Variants in CLSTN3 observed in about 807,000 individuals in gnomAD.
The protein encoded by CLSTN3 is calsyntenin 3, also known as calsyntenin-3.
In CLSTN3, 36 loss-of-function variants were observed where a neutral mutation model predicts 95.9. The observed-to-expected ratio is 0.38, with a 90% confidence interval of 0.29 to 0.50. The LOEUF (loss-of-function observed/expected upper bound fraction) is 0.50. Among genes scored for constraint, CLSTN3 ranks in the 20% least tolerant of loss-of-function variants. The pLI is 0.95. For synonymous variants in CLSTN3, 481 were observed against 504.0 expected (o/e 0.95, Z 0.61); for missense variants, 1,084 against 1,268.8 (o/e 0.85, Z 2.21).
intron 1 of CLSTN3, chr12:7,132,610 T>C: frequency 2.4e-6 from 1 of 409,986 alleles, no homozygotes. Flanking sequence ...TAGTTTCAAT[T>C]CTGCCCTTAA....
intron 4 of CLSTN3, 125 bp from the exon 5 acceptor site, chr12:7,135,679 A>G (rs1020388347): frequency 8.6e-5 from 117 of 1,364,848 alleles, no homozygotes; most frequent in Non-Finnish European, 1.1e-4. Context: ...CTCCTCCCAG[A>G]TGCCTTTTTT....
chr12:7,146,152 A>C (rs1393758582), intron 12 of CLSTN3, among the ~76,000 whole-genome samples: 1 of 152,214 alleles, frequency 6.6e-6, no homozygotes, highest in Non-Finnish European at 1.5e-5. Context: ...CTGCATAAAA[A>C]TGTCAAATGT....
intron 6 of CLSTN3, 116 bp downstream of exon 6, chr12:7,136,507 G>A: frequency 9.2e-7 from 1 of 1,083,090 alleles, no homozygotes; most frequent in Non-Finnish European, 1.3e-6. Context: ...TTTATCCATA[G>A]AGGTTGTGAC....
intron 8 of CLSTN3, 47 bp downstream of exon 8, chr12:7,138,114 A>G: frequency 6.9e-7 from 1 of 1,450,628 alleles, no homozygotes; most frequent in Non-Finnish European, 9.7e-7. Context: ...GATGTGACTC[A>G]CTTTTAGGAA....
intron 16 of CLSTN3, chr12:7,156,540 A>C (rs1939819942): frequency 2.2e-6 from 1 of 456,694 alleles, no homozygotes; most frequent in Non-Finnish European, 4.4e-6. Context: ...TTACTCCCGC[A>C]GTGTGAGCAG....
rs2135814717 is a variant in CLSTN3, at chr12:7,151,041, A to G, written c.2505A>G (p.Leu835=). ...CGCCTGAGATGGCTGGACACAGCCT[A>G]GCCAGCTCCCACAGAAACTCCAGTA... ...QPPPEMAGHS[L]ASSHRNSMIP... Residue 835 remains leucine, a synonymous_variant, in exon 16 of 18, where the codon CTA becomes CTG. Coordinates refer to ENST00000266546, the MANE Select transcript of CLSTN3 (RefSeq NM_014718.4). 6.2e-7 allele frequency: 1 copy of G among 1,606,490 alleles called. No individual in the cohort carries two copies. Among genetic ancestry groups the G allele is most frequent in the Non-Finnish European group, 8.5e-7 (1 of 1,176,120 alleles).
At position 7,133,355 on chromosome 12, in the gene CLSTN3, CA is replaced by C. The variant is rs1327136805; in HGVS notation, c.187+210del. ...GACATGGCCAGGCAAGGGTTAAACACATCATGATTTTGTCAGATCTCAGGTC... is the reference window on the plus strand; with the variant it reads ...GACATGGCCAGGCAAGGGTTAAACACTCATGATTTTGTCAGATCTCAGGTC... On this transcript the variant is annotated intron_variant, in intron 2 of 17. Transcript: ENST00000266546. This position sits in a 1 kb window ranked among gnomAD's most constrained non-coding sequence, Gnocchi z 4.7. 1.3e-5 allele frequency among the ~76,000 whole-genome samples: 2 copies of C among 152,196 alleles called. No homozygotes were observed. The highest frequency in any genetic ancestry group is 4.8e-5 in the African/African-American group (2 of 41,450).
Position 7,138,154 on chromosome 12 carries a change from T to C in CLSTN3, c.1323+87T>C, listed in dbSNP as rs2135800405. On this transcript the variant is annotated intron_variant, in intron 8 of 17. Transcript: ENST00000266546. ...CCTTCTCTGGGCAGGGTCAGCATTT[T>C]CTGGGTTCCCCCTTGCCCTCTCTTT... 9.2e-6 allele frequency: 9 copies of C among 974,894 alleles called. No homozygotes were observed. In the South Asian group the frequency reaches 1.3e-4, roughly 14 times the overall value. The allele number at this position is 974,894 out of a possible 1,614,324, so 60.4% of individuals were successfully genotyped here. A position where few individuals can be genotyped will look rare whatever the true frequency, so the allele number is the denominator to read the frequency against.
Position 7,136,306 on chromosome 12 carries a change from G to T in CLSTN3, c.843G>T (p.Gln281His), listed in dbSNP as rs1939419339. The T allele has an allele frequency of 6.2e-7, 1 of 1,614,060 alleles. No individual in the cohort carries two copies. Among genetic ancestry groups the T allele is most frequent in the Non-Finnish European group, 8.5e-7 (1 of 1,180,044 alleles). The change falls in exon 6 of 18, where the codon CAG becomes CAT. Residue 281 changes from glutamine to histidine, a missense_variant. Physicochemically the swap from Gln to His is conservative, Grantham distance 24 (BLOSUM62 0). Coordinates refer to ENST00000266546, the MANE Select transcript of CLSTN3 (RefSeq NM_014718.4). ...ETCDEPLWNI[Q>H]ATIELQTSHV... ...GTGATGAACCACTCTGGAACATTCA[G>T]GCCACCATAGAGCTGCAGACCAGCC...
At chr12:7,145,012 C>T (rs1287557082) in intron 12 of CLSTN3, among the ~76,000 whole-genome samples, 1 of 152,166 alleles carries the variant, frequency 6.6e-6, no homozygotes, top group Non-Finnish European at 1.5e-5. Context: ...CCCTCAGAAG[C>T]CAAGGCATTG....
chr12:7,139,794 G>A (rs937195349), intron 8 of CLSTN3, among the ~76,000 whole-genome samples: 11 of 151,970 alleles, frequency 7.2e-5, no homozygotes, highest in African/African-American at 2.2e-4. Flanking sequence ...GACTACAGGC[G>A]TGTGCCACCA....
intron 1 of CLSTN3, chr12:7,131,190 T>C (rs1450174668): frequency 4.1e-6 from 1 of 243,578 alleles, no homozygotes; most frequent in Non-Finnish European, 8.2e-6. Flanking sequence ...AGCACGTATG[T>C]TTTTTGCGTG....
intron 12 of CLSTN3, among the ~76,000 whole-genome samples, chr12:7,143,691 T>C (rs1013706251): frequency 6.6e-6 from 1 of 152,218 alleles, no homozygotes; most frequent in African/African-American, 2.4e-5. Context: ...TGGTGAGTCC[T>C]GGCTGCTTCA....
At position 7,158,130 on chromosome 12, in the gene CLSTN3, A is replaced by C. The variant is rs372811449; in HGVS notation, c.*49A>C. The C allele has an allele frequency of 1.0e-5, 15 of 1,455,310 alleles. No individual in the cohort carries two copies. In the African/African-American group the frequency reaches 2.0e-4, roughly 19 times the overall value. 90.1% of individuals were successfully genotyped at this position (1,455,310 alleles called of 1,614,324 possible). A position where few individuals can be genotyped will look rare whatever the true frequency, so the allele number is the denominator to read the frequency against. ...AGGGGGAATTCTGCCCTGGTGAAAC[A>C]GACACTCCAGACATGGGAGAAGGAC... On this transcript the variant is annotated 3_prime_UTR_variant, in exon 18 of 18. Transcript: ENST00000266546.
At position 7,135,795 on chromosome 12, in the gene CLSTN3, C is replaced by G. The variant is rs1939401540; in HGVS notation, c.593-9C>G. The G allele has an allele frequency of 6.3e-7, 1 of 1,596,368 alleles. No homozygotes were observed. Among genetic ancestry groups the G allele is most frequent in the African/African-American group, 1.3e-5 (1 of 74,288 alleles). ...GCTCTAATGCTCTGTCCTCCTGACCCCACCCCAGGGAACATTGAGAACACA... is the reference window on the plus strand; with the variant it reads ...GCTCTAATGCTCTGTCCTCCTGACCGCACCCCAGGGAACATTGAGAACACA... On this transcript the variant is annotated splice_polypyrimidine_tract_variant and intron_variant, in intron 4 of 17. Coordinates refer to ENST00000266546, the MANE Select transcript of CLSTN3 (RefSeq NM_014718.4).
intron 12 of CLSTN3, among the ~76,000 whole-genome samples, chr12:7,145,370 T>TGC (rs1017019036): frequency 3.8e-5 from 4 of 105,438 alleles, no homozygotes; most frequent in African/African-American, 1.3e-4. Context: ...TGTGTGTGTG[T>TGC]GCGCGCGCAT....
Position 7,137,186 on chromosome 12 carries a change from G to A in CLSTN3, c.1210+76G>A, listed in dbSNP as rs1007231622. 6.9e-6 allele frequency: 10 copies of A among 1,457,606 alleles called. No homozygotes were observed. In the African/African-American group the frequency reaches 9.8e-5, roughly 14 times the overall value. 90.3% of individuals were successfully genotyped at this position (1,457,606 alleles called of 1,614,324 possible). A position where few individuals can be genotyped will look rare whatever the true frequency, so the allele number is the denominator to read the frequency against. On this transcript the variant is annotated intron_variant, in intron 7 of 17. Coordinates refer to ENST00000266546, the MANE Select transcript of CLSTN3 (RefSeq NM_014718.4). The surrounding 1 kb of genome is among the most constrained non-coding windows in gnomAD (Gnocchi z 4.4). ...CCGCCTCTGTCACTGCCCAGTGTGT[G>A]ACTGTGAACAGGTCACTTCCCCTCT... is the stretch of plus-strand genomic sequence containing the variant.
rs1287361166 is a variant in CLSTN3 at position 7,141,118 on chromosome 12, C to T, written c.1324-124C>T. On this transcript the variant is annotated intron_variant, in intron 8 of 17. Coordinates refer to ENST00000266546, the MANE Select transcript of CLSTN3 (RefSeq NM_014718.4). This position sits in a 1 kb window ranked among gnomAD's most constrained non-coding sequence, Gnocchi z 4.1. Reference sequence around the variant, plus strand: ...GATAGGCAGCAAAGCACTAGTAAGCCCTGTTGGTAGAACTGGGAATAAAGG... The same window carrying T: ...GATAGGCAGCAAAGCACTAGTAAGCTCTGTTGGTAGAACTGGGAATAAAGG... 9.2e-7 allele frequency: 1 copy of T among 1,086,022 alleles called. No homozygotes were observed. The highest frequency in any genetic ancestry group is 2.4e-5 in the East Asian group (1 of 41,084). The allele number at this position is 1,086,022 out of a possible 1,614,324, so 67.3% of individuals were successfully genotyped here. A position where few individuals can be genotyped will look rare whatever the true frequency, so the allele number is the denominator to read the frequency against.
chr12:7,138,997 G>A (rs889784068), intron 8 of CLSTN3, among the ~76,000 whole-genome samples: 5 of 152,030 alleles, frequency 3.3e-5, no homozygotes, highest in African/African-American at 1.2e-4. Flanking sequence ...CCCTCACACT[G>A]CAAATATTGG....
Sources: allele counts gnomAD v4.1 joint callset (sites outside exome capture counted in the v4.1 genomes callset), GRCh38; gene constraint gnomAD v4.1.1; non-coding constraint Gnocchi (gnomAD v3.1); transcripts MANE v1.5; gene names NCBI Gene and HGNC (gene_info 2026-07-23, HGNC 2026-07-21).